TNFRSF13B: variants seen among roughly 807,000 people sequenced by gnomAD.
TNFRSF13B encodes the protein TNF receptor superfamily member 13B.
In TNFRSF13B, 34 loss-of-function variants were observed where a neutral mutation model predicts 24.0. That is an observed-to-expected ratio of 1.41 (90% confidence interval 1.08 to 1.88). The LOEUF (loss-of-function observed/expected upper bound fraction) is 1.88, where lower values mean the gene tolerates loss of function less well. Among genes scored for constraint, TNFRSF13B ranks in the 40% most tolerant of loss-of-function variants. The pLI is 0.00. For synonymous variants in TNFRSF13B, 173 were observed against 150.3 expected (o/e 1.15, Z -1.10); for missense variants, 415 against 380.8 (o/e 1.09, Z -0.75).
intron 3 of TNFRSF13B, among the ~76,000 whole-genome samples, chr17:16,941,981 C>T (rs1346201749): frequency 1.3e-5 from 2 of 152,224 alleles, no homozygotes; most frequent in Non-Finnish European, 2.9e-5. Flanking sequence ...CAGACCACAT[C>T]TGTTTACGCA....
chr17:16,952,608 A>T, intron 1 of TNFRSF13B, 25 bp from the exon 2 acceptor site: 1 of 1,614,148 alleles, frequency 6.2e-7, no homozygotes, highest in Non-Finnish European at 8.5e-7. Context: ...GAGTGAGGGC[A>T]GCTGGCAGGC....
intron 2 of TNFRSF13B, among the ~76,000 whole-genome samples, chr17:16,950,634 T>C (rs1488901950): frequency 6.6e-6 from 1 of 152,106 alleles, no homozygotes; most frequent in African/African-American, 2.4e-5. Flanking sequence ...TAGCCCAGCA[T>C]TGGTGTCCTT....
At chr17:16,958,908 AC>A (rs1203045332) in intron 1 of TNFRSF13B, among the ~76,000 whole-genome samples, 1 of 152,034 alleles carries the variant, frequency 6.6e-6, no homozygotes, top group Non-Finnish European at 1.5e-5. Context: ...AGACAGAACT[AC>A]CAGACACATA....
chr17:16,946,559 A>G (rs920344942), intron 3 of TNFRSF13B, among the ~76,000 whole-genome samples: 3 of 147,934 alleles, frequency 2.0e-5, no homozygotes, highest in Non-Finnish European at 4.5e-5. Context: ...CTTATTTTTT[A>G]TTATTTTTAT....
At chr17:16,960,671 C>A (rs1165294886) in intron 1 of TNFRSF13B, among the ~76,000 whole-genome samples, 6 of 152,140 alleles carry the variant, frequency 3.9e-5, no homozygotes, top group Non-Finnish European at 8.8e-5. Context: ...AGGGGAAAAT[C>A]TCCATGCACT....
chr17:16,939,487 T>A lies in TNFRSF13B; in HGVS notation c.*60A>T. 1 of 1,529,712 alleles carries A rather than the reference T, an allele frequency of 6.5e-7. No homozygotes were observed. The highest frequency in any genetic ancestry group is 1.2e-5 in the South Asian group (1 of 83,252). 94.8% of individuals were successfully genotyped at this position (1,529,712 alleles called of 1,614,324 possible). ...TATCTCTCTCCCCTCTCCCCACCTCTCTTTCTCTCTCCCCTCCTCTCCATC... is the reference window on the plus strand; with the variant it reads ...TATCTCTCTCCCCTCTCCCCACCTCACTTTCTCTCTCCCCTCCTCTCCATC... On this transcript the variant is annotated 3_prime_UTR_variant, in exon 5 of 5. Transcript: ENST00000261652.
chr17:16,954,160 A>G (rs771460133), intron 1 of TNFRSF13B, among the ~76,000 whole-genome samples: 4 of 152,184 alleles, frequency 2.6e-5, no homozygotes, highest in Non-Finnish European at 5.9e-5. Flanking sequence ...TTTGGGAGGT[A>G]GAGGTGGGAG....
chr17:16,944,404 G>A (rs2087533029), intron 3 of TNFRSF13B, among the ~76,000 whole-genome samples: 1 of 152,114 alleles, frequency 6.6e-6, no homozygotes, highest in South Asian at 2.1e-4. Flanking sequence ...CTCTATGAAG[G>A]CGAACAACTC....
intron 1 of TNFRSF13B, among the ~76,000 whole-genome samples, chr17:16,962,837 AC>A (rs1347902052): frequency 1.3e-5 from 2 of 150,976 alleles, no homozygotes; most frequent in Non-Finnish European, 3.0e-5. Flanking sequence ...CTGAAAACGC[AC>A]CCCTCCTTCA....
rs563324972 is a variant in TNFRSF13B at position 16,965,944 on chromosome 17, A to G, written c.61+6071T>C. On this transcript the variant is annotated intron_variant, in intron 1 of 4. Coordinates refer to ENST00000261652, the MANE Select transcript of TNFRSF13B (RefSeq NM_012452.3). Reference sequence around the variant, plus strand: ...AGACGCATAACATAGAATCCACAAAACAACAGGCAAACAAAAAAACTTTTT... The same window carrying G: ...AGACGCATAACATAGAATCCACAAAGCAACAGGCAAACAAAAAAACTTTTT... Among the ~76,000 whole-genome samples the G allele has an allele frequency of 7.1e-4, 108 of 152,264 alleles. 1 individual carries two copies. Among genetic ancestry groups the G allele is most frequent in the African/African-American group, 2.2e-3 (90 of 41,556 alleles).
chr17:16,951,311 A>G (rs963766508), intron 2 of TNFRSF13B, among the ~76,000 whole-genome samples: 11 of 152,214 alleles, frequency 7.2e-5, no homozygotes, highest in African/African-American at 2.7e-4. Flanking sequence ...CCTGCCAGGG[A>G]GCTCCCAGTC....
rs72553884 is a variant in TNFRSF13B at position 16,940,385 on chromosome 17, T to TC, written c.571dup (p.Asp191GlyfsTer46). The TC allele has an allele frequency of 1.8e-5, 29 of 1,613,410 alleles. No homozygotes were observed. Among genetic ancestry groups the TC allele is most frequent in the Non-Finnish European group, 2.5e-5 (29 of 1,179,922 alleles). On this transcript the variant is annotated frameshift_variant, in exon 4 of 5. Coordinates refer to ENST00000261652, the MANE Select transcript of TNFRSF13B (RefSeq NM_012452.3). LOFTEE classifies it high-confidence loss of function. ...TGAGCGGGGCTGGCAGGAGCAGGGATCCCCCCTCTTCTTGAGGAAGCAGGC... is the reference window on the plus strand; with the variant it reads ...TGAGCGGGGCTGGCAGGAGCAGGGATCCCCCCCTCTTCTTGAGGAAGCAGGC...
At chr17:16,956,007 A>G (rs2087622315) in intron 1 of TNFRSF13B, among the ~76,000 whole-genome samples, 1 of 151,974 alleles carries the variant, frequency 6.6e-6, no homozygotes, top group African/African-American at 2.4e-5. Flanking sequence ...CACAAAGGAC[A>G]TTGTTTCAAC....
intron 3 of TNFRSF13B, among the ~76,000 whole-genome samples, chr17:16,942,206 C>T (rs2143645456): frequency 6.6e-6 from 1 of 152,328 alleles, no homozygotes; most frequent in African/African-American, 2.4e-5. Context: ...GTTCACACTC[C>T]ATTTTACAGA....
chr17:16,965,504 T>A (rs933290640), intron 1 of TNFRSF13B, among the ~76,000 whole-genome samples: 2 of 152,226 alleles, frequency 1.3e-5, no homozygotes, highest in Admixed American at 1.3e-4. Flanking sequence ...AATCAGTAGC[T>A]GGATATAGTT....
chr17:16,971,923 C>T, intron 1 of TNFRSF13B, 92 bp downstream of exon 1: 2 of 1,322,364 alleles, frequency 1.5e-6, no homozygotes, highest in Non-Finnish European at 1.1e-6. Context: ...GTGGGCTTTG[C>T]ACCTGCTGGA....
At chr17:16,963,188 G>A (rs947342969) in intron 1 of TNFRSF13B, among the ~76,000 whole-genome samples, 5 of 152,304 alleles carry the variant, frequency 3.3e-5, no homozygotes, top group African/African-American at 1.2e-4. Flanking sequence ...ATGCATGGCA[G>A]GTGCCTAGTA....
chr17:16,955,623 A>G (rs1471179671), intron 1 of TNFRSF13B, among the ~76,000 whole-genome samples: 3 of 152,238 alleles, frequency 2.0e-5, no homozygotes, highest in African/African-American at 7.2e-5. Context: ...TCAGTGCAAT[A>G]CAGTCTCACA....
chr17:16,971,018 G>T (rs2087739832), intron 1 of TNFRSF13B, among the ~76,000 whole-genome samples: 1 of 152,136 alleles, frequency 6.6e-6, no homozygotes, highest in Non-Finnish European at 1.5e-5. Flanking sequence ...AGGACCTGGG[G>T]CCCTTTCATA....
Sources: allele counts gnomAD v4.1 joint callset (sites outside exome capture counted in the v4.1 genomes callset), GRCh38; gene constraint gnomAD v4.1.1; transcripts MANE v1.5; gene names NCBI Gene and HGNC (gene_info 2026-07-23, HGNC 2026-07-21).